The following VAPB variants were observed in gnomAD, a reference collection of about 807,000 sequenced individuals.
VAPB encodes the protein VAMP associated protein B and C, also known as vesicle-associated membrane protein-associated protein B/C.
Under a neutral mutation model 25.6 loss-of-function variants are expected in VAPB, and 7 were observed. The ratio of observed to expected loss-of-function variants is 0.27; its 90% CI spans 0.16 to 0.51. VAPB has a LOEUF of 0.51. Ranked by LOEUF, VAPB falls within the 20% of genes least tolerant of loss-of-function variation. The pLI is 0.97. For synonymous variants in VAPB, 112 were observed against 109.2 expected (o/e 1.03, Z -0.16); for missense variants, 266 against 301.3 (o/e 0.88, Z 0.87).
At chr20:58,439,605 A>G (rs1399451963) in intron 4 of VAPB, 2 of 158,758 alleles carry the variant, frequency 1.3e-5, no homozygotes, top group Non-Finnish European at 2.8e-5. Flanking sequence ...TGCCCTCTTG[A>G]TACTGGTAGT....
Position 58,445,684 on chromosome 20 carries a change from C to CTGTG in VAPB, c.*1483_*1486dup, listed in dbSNP as rs138225455. The stretch of plus-strand genomic sequence containing the variant: ...GAAATACGTGTTTCATGATTTAACT[C>CTGTG]TGTGTGTGTGTGTGTGTGTGTGTGT... On this transcript the variant is annotated 3_prime_UTR_variant, in exon 6 of 6. Coordinates refer to ENST00000475243, the MANE Select transcript of VAPB (RefSeq NM_004738.5). 7,562 of 430,442 alleles carry CTGTG rather than the reference C, an allele frequency of 0.018. 40 individuals are homozygous for CTGTG. Among genetic ancestry groups the CTGTG allele is most frequent in the Middle Eastern group, 0.025 (34 of 1,374 alleles). 26.7% of individuals were successfully genotyped at this position (430,442 alleles called of 1,614,324 possible).
rs1466663924 is a variant in VAPB, at chr20:58,449,131, T to C, written c.*4896T>C. ...CAGCCGACAGGCAAGCTTGGGAGGCTGTGGGAATGGGTCTGCCCCCAGCTT... is the reference window on the plus strand; with the variant it reads ...CAGCCGACAGGCAAGCTTGGGAGGCCGTGGGAATGGGTCTGCCCCCAGCTT... On this transcript the variant is annotated 3_prime_UTR_variant, in exon 6 of 6. Transcript: ENST00000475243. The C allele has an allele frequency of 1.5e-5, 7 of 454,110 alleles. No homozygotes were observed. The Admixed American group carries it at 1.6e-4, about 11-fold the overall frequency. The allele number at this position is 454,110 out of a possible 1,614,324, so 28.1% of individuals were successfully genotyped here.
chr20:58,415,094 A>AG (rs1359663539), intron 1 of VAPB, among the ~76,000 whole-genome samples: 2 of 137,314 alleles, frequency 1.5e-5, no homozygotes, highest in Admixed American at 6.8e-5. Flanking sequence ...CGAGCCTGCA[A>AG]TCGCAGGCAC....
intron 2 of VAPB, among the ~76,000 whole-genome samples, chr20:58,425,773 C>A (rs1600803926): frequency 6.6e-6 from 1 of 152,184 alleles, no homozygotes; most frequent in Non-Finnish European, 1.5e-5. Flanking sequence ...CCTGCTAACA[C>A]AAAAATTCCG....
At chr20:58,438,282 A>AATTTATT (rs1304827758) in intron 3 of VAPB, among the ~76,000 whole-genome samples, 1 of 151,846 alleles carries the variant, frequency 6.6e-6, no homozygotes, top group East Asian at 1.9e-4. Context: ...ATTTTAATTT[A>AATTTATT]ATTTATTATT....
At chr20:58,414,589 G>T (rs1752681163) in intron 1 of VAPB, among the ~76,000 whole-genome samples, 4 of 151,748 alleles carry the variant, frequency 2.6e-5, no homozygotes, top group Admixed American at 2.6e-4. Context: ...CCCAGACGGG[G>T]CGGCGGGGCA....
intron 3 of VAPB, among the ~76,000 whole-genome samples, chr20:58,435,855 G>A (rs1020840593): frequency 8.5e-5 from 13 of 152,166 alleles, no homozygotes; most frequent in Admixed American, 1.3e-4. Context: ...AAGAAACATG[G>A]CAGATAGAAA....
intron 3 of VAPB, among the ~76,000 whole-genome samples, chr20:58,438,736 G>T (rs1294384943): frequency 1.3e-5 from 2 of 152,180 alleles, no homozygotes; most frequent in African/African-American, 4.8e-5. Flanking sequence ...AGACTTCAGG[G>T]TTTATGAAGT....
chr20:58,434,988 G>A (rs1330323745), intron 3 of VAPB, among the ~76,000 whole-genome samples: 2 of 152,106 alleles, frequency 1.3e-5, no homozygotes, highest in Non-Finnish European at 2.9e-5. Context: ...TGTCTTGCAT[G>A]GTTAGGGATT....
chr20:58,450,193 T>G lies in VAPB; in HGVS notation c.*5958T>G, dbSNP rs1161445719. On this transcript the variant is annotated 3_prime_UTR_variant, in exon 6 of 6. Transcript: ENST00000475243. The stretch of plus-strand genomic sequence containing the variant: ...GAAATAGACTGAATTCAGCTGTTAA[T>G]CCTCTAGTACAGTATCCATGTTAAA... The G allele has an allele frequency of 2.2e-6, 1 of 454,118 alleles. No homozygotes were observed. The highest frequency in any genetic ancestry group is 6.9e-5 in the East Asian group (1 of 14,398). The allele number at this position is 454,118 out of a possible 1,614,324, so 28.1% of individuals were successfully genotyped here.
chr20:58,399,406 A>G (rs561398502), intron 1 of VAPB, among the ~76,000 whole-genome samples: 3 of 152,236 alleles, frequency 2.0e-5, no homozygotes, highest in Admixed American at 6.5e-5. Flanking sequence ...GCTCTGGGAC[A>G]TTAGAATGAC....
chr20:58,393,810 GCAA>G (rs1048529655), intron 1 of VAPB, among the ~76,000 whole-genome samples: 2 of 152,056 alleles, frequency 1.3e-5, no homozygotes, highest in African/African-American at 4.8e-5. Flanking sequence ...TTGGCTCACC[GCAA>G]CCTCCGCCTC....
Position 58,446,636 on chromosome 20 carries a change from A to C in VAPB, c.*2401A>C. On this transcript the variant is annotated 3_prime_UTR_variant, in exon 6 of 6. Transcript: ENST00000475243. Reference sequence around the variant, plus strand: ...GTGTTCAGCTTCTCAGAGGATGTGGACATTTTGGTTGCAGCTAAAAATCAG... The same window carrying C: ...GTGTTCAGCTTCTCAGAGGATGTGGCCATTTTGGTTGCAGCTAAAAATCAG... 2.2e-6 allele frequency: 1 copy of C among 454,114 alleles called. No individual in the cohort carries two copies. The highest frequency in any genetic ancestry group is 4.4e-6 in the Non-Finnish European group (1 of 226,798). The allele number at this position is 454,114 out of a possible 1,614,324, so 28.1% of individuals were successfully genotyped here.
chr20:58,416,343 G>C (rs760129360), intron 1 of VAPB, among the ~76,000 whole-genome samples: 1 of 92,540 alleles, frequency 1.1e-5, no homozygotes, highest in East Asian at 3.1e-4. Context: ...TATTTTTGTA[G>C]AGTACCTTGA....
At position 58,447,109 on chromosome 20, in the gene VAPB, A is replaced by G. The variant is rs1291368417; in HGVS notation, c.*2874A>G. 14 of 454,010 alleles carry G rather than the reference A, an allele frequency of 3.1e-5. No homozygotes were observed. The highest frequency in any genetic ancestry group is 6.2e-5 in the Non-Finnish European group (14 of 226,800). The allele number at this position is 454,010 out of a possible 1,614,324, so 28.1% of individuals were successfully genotyped here. A position where few individuals can be genotyped will look rare whatever the true frequency, so the allele number is the denominator to read the frequency against. On this transcript the variant is annotated 3_prime_UTR_variant, in exon 6 of 6. Coordinates refer to ENST00000475243, the MANE Select transcript of VAPB (RefSeq NM_004738.5). ...GTCTGCTCCTGTGGTTACTGGCTCC[A>G]CAGCACCTCAGAGAGGGCGGCCCTG...
At chr20:58,424,216 G>A (rs556383796) in intron 2 of VAPB, among the ~76,000 whole-genome samples, 3 of 152,108 alleles carry the variant, frequency 2.0e-5, no homozygotes, top group African/African-American at 7.2e-5. Flanking sequence ...ACACACTTGA[G>A]GGCTCTCCAG....
In VAPB at chr20:58,449,591, A is replaced by G. The variant is rs1209120813; in HGVS notation, c.*5356A>G. ...TGATACCTTGGAATGTTGCCACGAT[A>G]TGGATTGCTTTGATTAAAAGATGTC... On this transcript the variant is annotated 3_prime_UTR_variant, in exon 6 of 6. Coordinates refer to ENST00000475243, the MANE Select transcript of VAPB (RefSeq NM_004738.5). The G allele has an allele frequency of 2.2e-6, 1 of 454,104 alleles. No homozygotes were observed. The highest frequency in any genetic ancestry group is 2.3e-5 in the Admixed American group (1 of 42,574). 28.1% of individuals were successfully genotyped at this position (454,104 alleles called of 1,614,324 possible).
At chr20:58,423,414 CAAAAAAAAAAAAAAAAAAAAAA>C (rs59133081) in intron 2 of VAPB, among the ~76,000 whole-genome samples, 3 of 34,758 alleles carry the variant, frequency 8.6e-5, no homozygotes, top group African/African-American at 1.1e-4. Flanking sequence ...CTCCATCTCA[CAAAAAAAAAAAAAAAAAAAAAA>C]AAAAAAAAAA....
At chr20:58,444,006 G>T (rs563832615) in intron 5 of VAPB, 71 bp from the exon 6 acceptor site, 2 of 1,610,374 alleles carry the variant, frequency 1.2e-6, no homozygotes, top group Admixed American at 1.7e-5. Context: ...AGCCCATCCC[G>T]TTAAGCTGTA....
Sources: allele counts gnomAD v4.1 joint callset (sites outside exome capture counted in the v4.1 genomes callset), GRCh38; gene constraint gnomAD v4.1.1; transcripts MANE v1.5; gene names NCBI Gene and HGNC (gene_info 2026-07-23, HGNC 2026-07-21).